The following RBFOX1 variants were observed in gnomAD, a reference collection of about 807,000 sequenced individuals.
RBFOX1 encodes RNA binding fox-1 homolog 1.
A neutral mutation model predicts 57.7 loss-of-function variants in RBFOX1; 8 were observed. The observed-to-expected ratio is 0.14, with a 90% confidence interval of 0.08 to 0.25. The LOEUF (loss-of-function observed/expected upper bound fraction) is 0.25, where lower values mean the gene tolerates loss of function less well. RBFOX1 is among the 10% of genes least tolerant of loss of function. The pLI is 1.00. For missense variants in RBFOX1, 611 were observed against 548.5 expected (o/e 1.11, Z -1.14); for synonymous variants, 326 against 222.4 (o/e 1.47, Z -4.15).
At chr16:7,567,339 C>CTATATA (rs200770655) in intron 5 of RBFOX1, among the ~76,000 whole-genome samples, 13,400 of 111,686 alleles carry the variant, frequency 0.12, 1,983 homozygotes, top group South Asian at 0.23. Flanking sequence ...ATATATGGCC[C>CTATATA]TATATATATA....
chr16:7,296,426 C>G lies in RBFOX1; in HGVS notation c.28-221721C>G, dbSNP rs891821285. ...ATGCAGTCTCTTTACCATTTTTAAA[C>G]TTTTCTTGGAACTGTCCATGTCATT... On this transcript the variant is annotated intron_variant, in intron 4 of 15. Transcript: ENST00000550418. Among the ~76,000 whole-genome samples, 4 of 152,042 alleles carry G rather than the reference C, an allele frequency of 2.6e-5. No homozygotes were observed. In the Middle Eastern group the frequency reaches 0.01, roughly 388 times the overall value.
intron 1 of RBFOX1, among the ~76,000 whole-genome samples, chr16:5,436,833 G>T (rs991753330): frequency 2.7e-5 from 4 of 150,646 alleles, no homozygotes; most frequent in Admixed American, 6.6e-5. Flanking sequence ...GCAAGACTCC[G>T]CTTCAAAAAA....
intron 3 of RBFOX1, among the ~76,000 whole-genome samples, chr16:6,830,879 C>T (rs182589568): frequency 6.6e-6 from 1 of 152,302 alleles, no homozygotes; most frequent in East Asian, 1.9e-4. Context: ...AACTCTCCCA[C>T]CTCCTGGTCA....
At chr16:6,716,599 C>G (rs2064871950) in intron 3 of RBFOX1, among the ~76,000 whole-genome samples, 1 of 152,206 alleles carries the variant, frequency 6.6e-6, no homozygotes. Context: ...AGGCGATTGC[C>G]TGAGTCCTTC....
At chr16:7,092,406 C>T (rs1442161083) in intron 4 of RBFOX1, among the ~76,000 whole-genome samples, 1 of 152,220 alleles carries the variant, frequency 6.6e-6, no homozygotes, top group Admixed American at 6.5e-5. Flanking sequence ...GATCACACTG[C>T]TTTAGAACTT....
At chr16:7,537,524 T>C (rs1034988) in intron 5 of RBFOX1, among the ~76,000 whole-genome samples, 77,798 of 152,050 alleles carry the variant, frequency 0.51, 24,097 homozygotes, top group Non-Finnish European at 0.71. Flanking sequence ...AACCACAACT[T>C]CACACTCTTT....
At chr16:6,863,725 C>CT (rs71408412) in intron 3 of RBFOX1, among the ~76,000 whole-genome samples, 2,962 of 67,470 alleles carry the variant, frequency 0.044, 225 homozygotes, top group Non-Finnish European at 0.053. Flanking sequence ...GATGCCTGCG[C>CT]TTTTTTTTTT....
intron 4 of RBFOX1, among the ~76,000 whole-genome samples, chr16:7,344,117 T>TC (rs1304063560): frequency 6.8e-6 from 1 of 146,216 alleles, no homozygotes; most frequent in Non-Finnish European, 1.5e-5. Flanking sequence ...TTTTTTTTTT[T>TC]TTTTTTTTTA....
At chr16:6,631,322 G>A (rs1282739855) in intron 2 of RBFOX1, among the ~76,000 whole-genome samples, 2 of 151,976 alleles carry the variant, frequency 1.3e-5, no homozygotes, top group African/African-American at 4.8e-5. Flanking sequence ...GCATTTTAAT[G>A]CATATTTAAG....
chr16:5,805,542 A>T (rs147104054), intron 3 of RBFOX1, among the ~76,000 whole-genome samples: 4 of 152,290 alleles, frequency 2.6e-5, no homozygotes, highest in African/African-American at 9.6e-5. Context: ...ACATGTATTG[A>T]TGGGATAATT....
intron 4 of RBFOX1, among the ~76,000 whole-genome samples, chr16:7,170,143 C>T (rs1307312543): frequency 6.6e-6 from 1 of 152,132 alleles, no homozygotes; most frequent in African/African-American, 2.4e-5. Flanking sequence ...TTATGTTTTG[C>T]ACAGACAGAA....
At chr16:7,019,274 C>T (rs576284745) in intron 3 of RBFOX1, among the ~76,000 whole-genome samples, 4 of 152,046 alleles carry the variant, frequency 2.6e-5, no homozygotes, top group African/African-American at 9.6e-5. Context: ...GAGAAAAAAA[C>T]AGGTAGATTT....
chr16:6,431,304 G>T (rs1339105067), intron 2 of RBFOX1, among the ~76,000 whole-genome samples: 1 of 151,908 alleles, frequency 6.6e-6, no homozygotes, highest in Non-Finnish European at 1.5e-5. Flanking sequence ...GAGTCAAGAA[G>T]GATACCTGCT....
intron 4 of RBFOX1, among the ~76,000 whole-genome samples, chr16:7,507,561 C>CTTTTTT (rs200393762): frequency 0.025 from 3,028 of 122,392 alleles, 221 homozygotes; most frequent in African/African-American, 0.08. Context: ...TTTTTTCTTT[C>CTTTTTT]TTTCTTTTTT....
intron 3 of RBFOX1, among the ~76,000 whole-genome samples, chr16:6,909,226 C>G (rs1475269872): frequency 6.6e-6 from 1 of 152,190 alleles, no homozygotes; most frequent in Non-Finnish European, 1.5e-5. Flanking sequence ...AGAGGCCACC[C>G]AGATTACATG....
intron 4 of RBFOX1, among the ~76,000 whole-genome samples, chr16:7,245,134 A>G (rs2094237327): frequency 6.6e-6 from 1 of 152,080 alleles, no homozygotes; most frequent in African/African-American, 2.4e-5. Flanking sequence ...AGTCTAGATT[A>G]TTTTTATTGA....
At chr16:6,702,271 C>T (rs189369397) in intron 3 of RBFOX1, among the ~76,000 whole-genome samples, 11 of 152,194 alleles carry the variant, frequency 7.2e-5, no homozygotes, top group Middle Eastern at 3.4e-3. Context: ...TCCAAATTAT[C>T]GGCCAGCCGT....
chr16:6,770,655 C>G (rs1312591048), intron 3 of RBFOX1, among the ~76,000 whole-genome samples: 2 of 152,016 alleles, frequency 1.3e-5, no homozygotes, highest in East Asian at 3.9e-4. Flanking sequence ...CAGAGCCTTC[C>G]TGGGAGGAGA....
At chr16:7,332,923 GA>G in intron 4 of RBFOX1, 1 of 1,601,776 alleles carries the variant, frequency 6.2e-7, no homozygotes, top group South Asian at 1.1e-5. Flanking sequence ...TAGTTCGGAA[GA>G]AGTTGGGTCT....
Sources: gnomAD v4.1 joint callset for allele counts (sites outside exome capture counted in the v4.1 genomes callset) on GRCh38, gnomAD v4.1.1 for gene constraint, MANE v1.5 for transcripts, NCBI Gene and HGNC (gene_info 2026-07-23, HGNC 2026-07-21) for gene names.